Variants in AGBL1 observed in about 807,000 individuals in gnomAD.
The protein encoded by AGBL1 is AGBL carboxypeptidase 1.
In AGBL1, 130 loss-of-function variants were observed where a neutral mutation model predicts 118.9. The ratio of observed to expected loss-of-function variants is 1.09; its 90% CI spans 0.95 to 1.26. AGBL1 has a LOEUF of 1.26. AGBL1 is among the 50% of genes most tolerant of loss of function. AGBL1 has a pLI of 0.00. For missense variants in AGBL1, 1,584 were observed against 1,298.1 expected (o/e 1.22, Z -3.38); for synonymous variants, 555 against 478.9 (o/e 1.16, Z -2.08).
At chr15:86,787,466 G>T (rs1331579492) in intron 22 of AGBL1, among the ~76,000 whole-genome samples, 1 of 151,958 alleles carries the variant, frequency 6.6e-6, no homozygotes, top group East Asian at 1.9e-4. Flanking sequence ...TCTAGTCTCT[G>T]TTTCCATGTA....
At chr15:86,656,771 G>A (rs1322224046) in intron 21 of AGBL1, among the ~76,000 whole-genome samples, 1 of 151,978 alleles carries the variant, frequency 6.6e-6, no homozygotes. Flanking sequence ...ACCTTCCATG[G>A]AAGAGGGTTA....
intron 22 of AGBL1, among the ~76,000 whole-genome samples, chr15:86,778,069 G>T (rs950349526): frequency 6.6e-5 from 10 of 152,078 alleles, no homozygotes; most frequent in African/African-American, 2.4e-4. Flanking sequence ...TTAAAGCTGG[G>T]TGTCCAGGGG....
At chr15:86,976,890 T>A (rs974553471) in intron 23 of AGBL1, among the ~76,000 whole-genome samples, 1 of 151,972 alleles carries the variant, frequency 6.6e-6, no homozygotes, top group East Asian at 1.9e-4. Flanking sequence ...CTCACTCAAG[T>A]TGTTTGTCTT....
intron 24 of AGBL1, among the ~76,000 whole-genome samples, chr15:87,028,614 G>C (rs2081757390): frequency 6.6e-6 from 1 of 151,812 alleles, no homozygotes; most frequent in Admixed American, 6.6e-5. Context: ...CAGTAAATAA[G>C]AATTCATGCC....
At chr15:86,966,302 A>G (rs1227372908) in intron 23 of AGBL1, among the ~76,000 whole-genome samples, 2 of 149,852 alleles carry the variant, frequency 1.3e-5, no homozygotes, top group Non-Finnish European at 3.0e-5. Context: ...TTTAACAGAA[A>G]TCCTCATTCT....
chr15:86,477,498 C>A (rs1207692595), intron 18 of AGBL1, among the ~76,000 whole-genome samples: 3 of 152,180 alleles, frequency 2.0e-5, no homozygotes, highest in Non-Finnish European at 4.4e-5. Context: ...TGGATAAATT[C>A]CTGGGCACAT....
intron 23 of AGBL1, among the ~76,000 whole-genome samples, chr15:86,934,475 T>C (rs2141641188): frequency 6.6e-6 from 1 of 152,182 alleles, no homozygotes; most frequent in South Asian, 2.1e-4. Context: ...GTATGTTCTG[T>C]GCTTACAGAC....
chr15:86,660,816 G>T (rs898770359), intron 21 of AGBL1, among the ~76,000 whole-genome samples: 9 of 152,064 alleles, frequency 5.9e-5, no homozygotes, highest in Non-Finnish European at 1.3e-4. Context: ...AGACTCTAAT[G>T]TATATTAGCC....
At chr15:86,878,975 C>T (rs1441878703) in intron 22 of AGBL1, among the ~76,000 whole-genome samples, 8 of 152,196 alleles carry the variant, frequency 5.3e-5, no homozygotes, top group African/African-American at 1.9e-4. Flanking sequence ...GTTCACAGCA[C>T]ACCTGGTTGT....
chr15:86,412,198 C>G (rs1357271649), intron 18 of AGBL1, among the ~76,000 whole-genome samples: 3 of 152,202 alleles, frequency 2.0e-5, no homozygotes, highest in African/African-American at 7.2e-5. Flanking sequence ...TGCATTCACC[C>G]TAACATCCGT....
rs539757233 is a variant in AGBL1, at chr15:86,750,113, G to A, written c.3158+75677G>A. ...CCAGCTCCTCCTTGTACTGCTAGAG[G>A]CAATAATTTTTAATACTCAGGATTC... On this transcript the variant is annotated intron_variant, in intron 22 of 22. Coordinates refer to ENST00000614907, the MANE Select transcript of AGBL1 (RefSeq NM_001386094.1). 3.3e-5 allele frequency among the ~76,000 whole-genome samples: 5 copies of A among 152,072 alleles called. No homozygotes were observed. In the East Asian group the frequency reaches 9.7e-4, roughly 29 times the overall value.
At chr15:86,453,754 C>T (rs1415747849) in intron 18 of AGBL1, among the ~76,000 whole-genome samples, 2 of 152,062 alleles carry the variant, frequency 1.3e-5, no homozygotes, top group African/African-American at 4.8e-5. Flanking sequence ...ACTGCCAAGC[C>T]CTGGATGTTT....
chr15:86,968,954 C>G (rs540576663), intron 23 of AGBL1, among the ~76,000 whole-genome samples: 1 of 151,846 alleles, frequency 6.6e-6, no homozygotes, highest in African/African-American at 2.4e-5. Flanking sequence ...TCCCTTATAA[C>G]CTTGTCGCCA....
intron 17 of AGBL1, among the ~76,000 whole-genome samples, chr15:86,355,566 C>G (rs2080700232): frequency 6.6e-6 from 1 of 152,204 alleles, no homozygotes; most frequent in African/African-American, 2.4e-5. Flanking sequence ...AAGCTTTTGC[C>G]AAACTTGACA....
chr15:86,535,205 G>C (rs1028496686), intron 19 of AGBL1, among the ~76,000 whole-genome samples: 4 of 152,204 alleles, frequency 2.6e-5, no homozygotes, highest in African/African-American at 9.6e-5. Context: ...AAGTCAGAAA[G>C]ATCCAGCCAG....
At chr15:86,566,985 C>T (rs763719382) in intron 21 of AGBL1, among the ~76,000 whole-genome samples, 11 of 152,080 alleles carry the variant, frequency 7.2e-5, no homozygotes, top group Non-Finnish European at 1.5e-4. Context: ...CATGGAGATG[C>T]TATAAAGACT....
chr15:86,441,525 C>T (rs1032814489), intron 18 of AGBL1, among the ~76,000 whole-genome samples: 7 of 152,082 alleles, frequency 4.6e-5, no homozygotes, highest in African/African-American at 1.7e-4. Flanking sequence ...GTAGGGGTGC[C>T]AATGACATAG....
rs140282226 is a variant in AGBL1 at position 86,394,005 on chromosome 15, G to A, written c.2375-3361G>A. ...ACCAGGCACAGAATTTGCTGGCACC[G>A]TAATCATAGATTTCTTGGTCTCCAG... is the stretch of plus-strand genomic sequence containing the variant. On this transcript the variant is annotated intron_variant, in intron 17 of 22. Coordinates refer to ENST00000614907, the MANE Select transcript of AGBL1 (RefSeq NM_001386094.1). Among the ~76,000 whole-genome samples the A allele has an allele frequency of 3.9e-3, 598 of 152,200 alleles. 4 individuals are homozygous for A. The highest frequency in any genetic ancestry group is 0.013 in the African/African-American group (551 of 41,536).
At chr15:86,627,694 C>T (rs2084907943) in intron 21 of AGBL1, among the ~76,000 whole-genome samples, 1 of 152,014 alleles carries the variant, frequency 6.6e-6, no homozygotes, top group Admixed American at 6.6e-5. Flanking sequence ...GAAAGTAAAG[C>T]TAATGAAAAA....
Sources: allele counts gnomAD v4.1 joint callset (sites outside exome capture counted in the v4.1 genomes callset), GRCh38; gene constraint gnomAD v4.1.1; transcripts MANE v1.5; gene names NCBI Gene and HGNC (gene_info 2026-07-23, HGNC 2026-07-21).